The following FER variants were observed in gnomAD, a reference collection of about 807,000 sequenced individuals.
FER encodes the protein FER tyrosine kinase.
FER carries 63 observed loss-of-function variants against 111.0 expected under a neutral mutation model. That is an observed-to-expected ratio of 0.57 (90% CI 0.46 to 0.70). The LOEUF is 0.70. Among genes scored for constraint, FER ranks in the 30% least tolerant of loss-of-function variants. The pLI is 0.00. For missense variants in FER, 914 were observed against 954.0 expected (o/e 0.96, Z 0.55); for synonymous variants, 327 against 313.9 (o/e 1.04, Z -0.44).
At chr5:108,865,608 T>C (rs73780602) in intron 5 of FER, among the ~76,000 whole-genome samples, 3,232 of 152,198 alleles carry the variant, frequency 0.021, 109 homozygotes, top group African/African-American at 0.074. Flanking sequence ...CTAAAGAGCT[T>C]CTGCACAGCA....
At chr5:109,044,954 G>T (rs933511366) in intron 15 of FER, 159 bp downstream of exon 15, 15 of 457,400 alleles carry the variant, frequency 3.3e-5, no homozygotes, top group Non-Finnish European at 5.5e-5. Flanking sequence ...ATATTCTGCA[G>T]ATCAATTCAG....
At chr5:108,891,868 T>C (rs918971468) in intron 9 of FER, among the ~76,000 whole-genome samples, 17 of 152,016 alleles carry the variant, frequency 1.1e-4, no homozygotes, top group African/African-American at 4.1e-4. Context: ...CCTGTGTCCA[T>C]GTGTTCTCAT....
intron 5 of FER, among the ~76,000 whole-genome samples, chr5:108,862,652 A>G (rs887157939): frequency 6.6e-6 from 1 of 152,244 alleles, no homozygotes; most frequent in Admixed American, 6.5e-5. Flanking sequence ...ACAGTACTCA[A>G]ATACACTTGC....
At chr5:109,023,414 TA>T (rs1477653494) in intron 13 of FER, among the ~76,000 whole-genome samples, 2 of 152,158 alleles carry the variant, frequency 1.3e-5, no homozygotes, top group African/African-American at 4.8e-5. Context: ...AGATTTCAAG[TA>T]GGCACTTGGA....
chr5:109,100,037 T>C (rs1433113508), intron 16 of FER, among the ~76,000 whole-genome samples: 1 of 151,762 alleles, frequency 6.6e-6, no homozygotes, highest in Non-Finnish European at 1.5e-5. Flanking sequence ...CATAATAATA[T>C]AGTTTTCATG....
At chr5:109,003,098 C>T (rs1243631765) in intron 13 of FER, among the ~76,000 whole-genome samples, 1 of 152,068 alleles carries the variant, frequency 6.6e-6, no homozygotes, top group Non-Finnish European at 1.5e-5. Context: ...ACCATTTGAC[C>T]CAGCCATCCC....
At chr5:108,987,229 T>A (rs1473979330) in intron 13 of FER, among the ~76,000 whole-genome samples, 2 of 152,144 alleles carry the variant, frequency 1.3e-5, no homozygotes, top group African/African-American at 4.8e-5. Context: ...GCAGATCACA[T>A]GAGGTCAGGA....
At chr5:108,896,476 G>A (rs1749112853) in intron 9 of FER, among the ~76,000 whole-genome samples, 1 of 152,092 alleles carries the variant, frequency 6.6e-6, no homozygotes, top group African/African-American at 2.4e-5. Context: ...GAATTCCACT[G>A]GAGAGGTCTG....
At chr5:108,818,449 TA>T (rs1445387807) in intron 3 of FER, among the ~76,000 whole-genome samples, 1 of 152,030 alleles carries the variant, frequency 6.6e-6, no homozygotes, top group Non-Finnish European at 1.5e-5. Flanking sequence ...AAAAAAAAGA[TA>T]AAAAGAATAA....
intron 13 of FER, among the ~76,000 whole-genome samples, chr5:108,975,086 GT>G (rs1684312906): frequency 6.6e-6 from 1 of 152,136 alleles, no homozygotes; most frequent in Non-Finnish European, 1.5e-5. Context: ...AAAAGAATAA[GT>G]TCATGTCATT....
intron 2 of FER, among the ~76,000 whole-genome samples, chr5:108,790,235 CCACACACACACA>C (rs66805209): frequency 3.4e-5 from 5 of 145,092 alleles, no homozygotes; most frequent in South Asian, 2.2e-4. Context: ...TGCATACACA[CCACACACACACA>C]CACACACACA....
chr5:109,154,233 A>C (rs1755135688), intron 17 of FER, among the ~76,000 whole-genome samples: 3 of 151,928 alleles, frequency 2.0e-5, no homozygotes, highest in African/African-American at 7.2e-5. Flanking sequence ...AACAGTTACA[A>C]ACCTTTACCA....
intron 17 of FER, among the ~76,000 whole-genome samples, chr5:109,116,453 A>T (rs1322982536): frequency 6.6e-6 from 1 of 152,006 alleles, no homozygotes; most frequent in Non-Finnish European, 1.5e-5. Context: ...GAAAAAAAAT[A>T]ACAGTGTCAA....
At chr5:108,941,754 A>G (rs915871780) in intron 10 of FER, among the ~76,000 whole-genome samples, 8 of 152,210 alleles carry the variant, frequency 5.3e-5, no homozygotes, top group Non-Finnish European at 7.4e-5. Flanking sequence ...GTTGGTGTGC[A>G]TCTTGTAGTA....
intron 9 of FER, among the ~76,000 whole-genome samples, chr5:108,888,753 G>T (rs1039373603): frequency 6.6e-6 from 1 of 151,698 alleles, no homozygotes; most frequent in Non-Finnish European, 1.5e-5. Context: ...TGAACAAAAG[G>T]AACATGTTCA....
At chr5:109,016,771 G>A (rs1767191891) in intron 13 of FER, among the ~76,000 whole-genome samples, 1 of 151,892 alleles carries the variant, frequency 6.6e-6, no homozygotes, top group Admixed American at 6.6e-5. Context: ...TTTATTATGT[G>A]CTATGCACAG....
At chr5:109,151,744 C>T (rs1410177766) in intron 17 of FER, among the ~76,000 whole-genome samples, 1 of 152,126 alleles carries the variant, frequency 6.6e-6, no homozygotes, top group Non-Finnish European at 1.5e-5. Flanking sequence ...TCATCTTTCT[C>T]ATGTTTTAGA....
intron 5 of FER, among the ~76,000 whole-genome samples, chr5:108,845,011 T>TAC (rs1561502697): frequency 3.0e-4 from 12 of 39,438 alleles, no homozygotes; most frequent in Non-Finnish European, 4.3e-4. Flanking sequence ...TATATATATA[T>TAC]ATATATATAT....
At chr5:109,072,230 G>GA (rs1199622460) in intron 16 of FER, among the ~76,000 whole-genome samples, 8 of 149,192 alleles carry the variant, frequency 5.4e-5, no homozygotes, top group South Asian at 2.1e-4. Context: ...AAACATGACA[G>GA]AAAAAAAACC....
Sources: allele counts gnomAD v4.1 joint callset (sites outside exome capture counted in the v4.1 genomes callset), GRCh38; gene constraint gnomAD v4.1.1; transcripts MANE v1.5; gene names NCBI Gene and HGNC (gene_info 2026-07-23, HGNC 2026-07-21).